CPAMD8: variants seen among roughly 807,000 people sequenced by gnomAD.
The protein encoded by CPAMD8 is C3 and PZP-like alpha-2-macroglobulin domain-containing protein 8.
In CPAMD8, 146 loss-of-function variants were observed where a neutral mutation model predicts 224.7. The observed-to-expected ratio is 0.65, with a 90% confidence interval of 0.57 to 0.75. The LOEUF (loss-of-function observed/expected upper bound fraction) is 0.75. Ranked by LOEUF, CPAMD8 falls within the 30% of genes least tolerant of loss-of-function variation. The pLI is 0.00. For missense variants in CPAMD8, 2,301 were observed against 2,537.5 expected, an observed-to-expected ratio of 0.91 and a Z score of 2.00; for synonymous variants, 966 against 1,044.6, an observed-to-expected ratio of 0.92 and a Z score of 1.45.
At chr19:16,937,358 C>T (rs2053728388) in intron 23 of CPAMD8, among the ~76,000 whole-genome samples, 1 of 152,024 alleles carries the variant, frequency 6.6e-6, no homozygotes, top group Non-Finnish European at 1.5e-5. Flanking sequence ...GGGATTTCAC[C>T]ATGTTGCCCA....
At chr19:16,976,548 C>T (rs2055280068) in intron 15 of CPAMD8, among the ~76,000 whole-genome samples, 4 of 152,036 alleles carry the variant, frequency 2.6e-5, no homozygotes, top group Admixed American at 2.6e-4. Context: ...CTGCCCCACC[C>T]ATGCACCCCC....
chr19:16,927,619 C>T (rs2053410162), intron 25 of CPAMD8, among the ~76,000 whole-genome samples: 2 of 152,144 alleles, frequency 1.3e-5, no homozygotes, highest in African/African-American at 4.8e-5. Flanking sequence ...TCCTGCACCG[C>T]ATATCTGGCT....
At chr19:16,978,669 G>A (rs1290457478) in intron 14 of CPAMD8, among the ~76,000 whole-genome samples, 3 of 152,102 alleles carry the variant, frequency 2.0e-5, no homozygotes, top group African/African-American at 7.2e-5. Context: ...ACAGTGCATG[G>A]GATGGTCCCA....
chr19:17,003,630 T>G (rs1358479975), intron 8 of CPAMD8, among the ~76,000 whole-genome samples: 1 of 151,230 alleles, frequency 6.6e-6, no homozygotes, highest in East Asian at 2.1e-4. Context: ...ATACAAAAAT[T>G]AACCAGGTGT....
chr19:16,948,044 G>A (rs1468953334), intron 20 of CPAMD8, among the ~76,000 whole-genome samples: 1 of 152,042 alleles, frequency 6.6e-6, no homozygotes, highest in African/African-American at 2.4e-5. Flanking sequence ...ACACATACTG[G>A]TCTCTGTGTG....
At chr19:16,989,903 C>T (rs991401199) in intron 12 of CPAMD8, 132 bp from the exon 13 acceptor site, 4 of 839,042 alleles carry the variant, frequency 4.8e-6, no homozygotes, top group Non-Finnish European at 7.8e-6. Flanking sequence ...GAACCCCCTC[C>T]CCAATCCTCA....
At chr19:16,996,139 G>A (rs2056115117) in intron 11 of CPAMD8, among the ~76,000 whole-genome samples, 2 of 150,272 alleles carry the variant, frequency 1.3e-5, no homozygotes, top group Non-Finnish European at 3.0e-5. Context: ...GACAGAGCGA[G>A]ACTCTTGTCT....
chr19:16,901,604 G>A (rs920733957), intron 35 of CPAMD8, among the ~76,000 whole-genome samples: 4 of 152,282 alleles, frequency 2.6e-5, no homozygotes, highest in South Asian at 2.1e-4. Flanking sequence ...AGCAGCTGGC[G>A]ACCCCACTCT....
intron 18 of CPAMD8, among the ~76,000 whole-genome samples, chr19:16,959,161 T>C (rs945591773): frequency 2.6e-5 from 4 of 151,400 alleles, no homozygotes; most frequent in African/African-American, 9.7e-5. Flanking sequence ...CATTGTGGTT[T>C]TGATTTGCAT....
At chr19:16,967,863 T>TG (rs2054884612) in intron 18 of CPAMD8, among the ~76,000 whole-genome samples, 1 of 71,566 alleles carries the variant, frequency 1.4e-5, no homozygotes, top group African/African-American at 6.1e-5. Context: ...GTGTATATAC[T>TG]TGTATATATG....
chr19:16,993,648 C>G lies in CPAMD8; in HGVS notation c.1096-62G>C, dbSNP rs2122938835. On this transcript the variant is annotated intron_variant, in intron 11 of 41. Coordinates refer to ENST00000443236, the MANE Select transcript of CPAMD8 (RefSeq NM_015692.5). ...CGGCCATGCTCCCCAAACTGATCTG[C>G]AGAATCAACGCAATCCCCACTGGAA... 7 of 1,476,078 alleles carry G rather than the reference C, an allele frequency of 4.7e-6. No individual in the cohort carries two copies. The African/African-American group carries it at 5.6e-5, about 12-fold the overall frequency. The allele number at this position is 1,476,078 out of a possible 1,614,324, so 91.4% of individuals were successfully genotyped here. A position where few individuals can be genotyped will look rare whatever the true frequency, so the allele number is the denominator to read the frequency against.
intron 27 of CPAMD8, among the ~76,000 whole-genome samples, chr19:16,920,517 T>A (rs2053130924): frequency 6.6e-6 from 1 of 151,344 alleles, no homozygotes; most frequent in South Asian, 2.1e-4. Context: ...TTCTTGCTCA[T>A]GCTGAGAGTT....
At chr19:16,927,571 G>C (rs561341610) in intron 25 of CPAMD8, among the ~76,000 whole-genome samples, 1 of 151,984 alleles carries the variant, frequency 6.6e-6, no homozygotes, top group South Asian at 2.1e-4. Flanking sequence ...CAACTGCTCC[G>C]GACGCCTGCC....
intron 23 of CPAMD8, among the ~76,000 whole-genome samples, chr19:16,929,565 T>C (rs1432747689): frequency 6.6e-6 from 1 of 152,112 alleles, no homozygotes; most frequent in African/African-American, 2.4e-5. Flanking sequence ...AAGTTAACAG[T>C]GGCATGCATC....
intron 23 of CPAMD8, among the ~76,000 whole-genome samples, chr19:16,938,121 A>G (rs990311324): frequency 5.3e-5 from 8 of 151,944 alleles, no homozygotes; most frequent in African/African-American, 1.9e-4. Context: ...TGCAGTGCAC[A>G]TTCCTGTGTA....
intron 9 of CPAMD8, among the ~76,000 whole-genome samples, chr19:17,001,455 T>G (rs1311733953): frequency 9.9e-5 from 5 of 50,500 alleles, no homozygotes; most frequent in African/African-American, 1.0e-4. Flanking sequence ...ATGGTGGGGT[T>G]GGGAGGGTCA....
intron 7 of CPAMD8, among the ~76,000 whole-genome samples, chr19:17,006,853 T>A (rs2123095678): frequency 6.6e-6 from 1 of 152,334 alleles, no homozygotes; most frequent in Middle Eastern, 3.4e-3. Context: ...GAACTTCTCC[T>A]TCCTAGCACT....
chr19:16,896,737 G>A (rs1416327548), intron 39 of CPAMD8, 72 bp from the exon 40 acceptor site: 4 of 1,118,744 alleles, frequency 3.6e-6, no homozygotes, highest in Non-Finnish European at 4.7e-6. Context: ...ACCTGGGGGT[G>A]GGGAAGATGT....
chr19:16,904,188 C>CCCCCCCCG, intron 32 of CPAMD8, 38 bp downstream of exon 32: 4 of 1,370,612 alleles, frequency 2.9e-6, no homozygotes, highest in Non-Finnish European at 3.0e-6. Context: ...CCCACCCACC[C>CCCCCCCCG]AGCCCTGAGC....
Sources: allele counts gnomAD v4.1 joint callset (sites outside exome capture counted in the v4.1 genomes callset), GRCh38; gene constraint gnomAD v4.1.1; transcripts MANE v1.5; gene names NCBI Gene and HGNC (gene_info 2026-07-23, HGNC 2026-07-21).